Variants in KIAA1328 observed in about 807,000 individuals in gnomAD.
KIAA1328 encodes protein hinderin.
In KIAA1328, 52 loss-of-function variants were observed where a neutral mutation model predicts 68.1. The ratio of observed to expected loss-of-function variants is 0.76; its 90% confidence interval spans 0.61 to 0.96. The LOEUF is 0.96. Ranked by LOEUF, KIAA1328 falls within the 40% of genes least tolerant of loss-of-function variation. The pLI is 0.00. For missense variants in KIAA1328, 641 were observed against 677.6 expected, an observed-to-expected ratio of 0.95 and a Z score of 0.60; for synonymous variants, 232 against 239.4, an observed-to-expected ratio of 0.97 and a Z score of 0.28.
At chr18:37,109,081 A>G (rs1344892190) in intron 7 of KIAA1328, among the ~76,000 whole-genome samples, 3 of 152,210 alleles carry the variant, frequency 2.0e-5, no homozygotes, top group Non-Finnish European at 4.4e-5. Flanking sequence ...TTCCAGCTTC[A>G]TCCGTGTCCG....
At chr18:36,936,042 C>T (rs1022892839) in intron 5 of KIAA1328, among the ~76,000 whole-genome samples, 1 of 152,130 alleles carries the variant, frequency 6.6e-6, no homozygotes, top group Non-Finnish European at 1.5e-5. Context: ...AAAATGTTAA[C>T]TCTGCAGTTT....
intron 9 of KIAA1328, among the ~76,000 whole-genome samples, chr18:37,214,410 C>T (rs1392351103): frequency 2.0e-5 from 3 of 152,098 alleles, no homozygotes; most frequent in Non-Finnish European, 4.4e-5. Context: ...ATAGGGAATC[C>T]TTTCCCCATT....
chr18:36,846,485 G>T (rs1476319373), intron 4 of KIAA1328, among the ~76,000 whole-genome samples: 1 of 151,380 alleles, frequency 6.6e-6, no homozygotes, highest in African/African-American at 2.4e-5. Flanking sequence ...CAATTTGCAT[G>T]CAATAACATG....
chr18:36,959,429 A>C lies in KIAA1328; in HGVS notation c.570A>C (p.Glu190Asp), dbSNP rs746048716. ...LSELGAARMQ[E>D]QQVSSRKSTL... ...AACTTGGTGCTGCTAGAATGCAGGA[A>C]CAGCAGGTAAGCATCTTTAATTTTA... Residue 190 changes from glutamate to aspartate, a missense_variant, in exon 6 of 10, where the codon GAA (glutamate) becomes GAC (aspartate). Physicochemically the swap from Glu to Asp is conservative, Grantham distance 45. Coordinates refer to ENST00000280020, the MANE Select transcript of KIAA1328 (RefSeq NM_020776.3). The C allele has an allele frequency of 1.1e-5, 17 of 1,608,522 alleles. No individual in the cohort carries two copies. The highest frequency in any genetic ancestry group is 1.4e-5 in the Non-Finnish European group (16 of 1,178,192).
At chr18:36,950,155 C>CT (rs1311982102) in intron 5 of KIAA1328, among the ~76,000 whole-genome samples, 1 of 152,010 alleles carries the variant, frequency 6.6e-6, no homozygotes, top group African/African-American at 2.4e-5. Context: ...AATGTGTACT[C>CT]TTTTTTTCAA....
At chr18:37,145,494 T>C (rs1213238357) in intron 7 of KIAA1328, among the ~76,000 whole-genome samples, 4 of 152,202 alleles carry the variant, frequency 2.6e-5, no homozygotes, top group Non-Finnish European at 5.9e-5. Flanking sequence ...ACTTCTTCTT[T>C]AGCCTGCTGA....
At chr18:37,037,857 T>C (rs901099029) in intron 6 of KIAA1328, among the ~76,000 whole-genome samples, 4 of 152,156 alleles carry the variant, frequency 2.6e-5, no homozygotes, top group African/African-American at 9.7e-5. Context: ...ATCCCAGCAC[T>C]TTGGGAGGCC....
At chr18:37,074,301 G>A (rs2056635143) in intron 7 of KIAA1328, among the ~76,000 whole-genome samples, 2 of 152,120 alleles carry the variant, frequency 1.3e-5, no homozygotes, top group African/African-American at 4.8e-5. Context: ...CCACATTGTT[G>A]TTTTTCTGCC....
chr18:37,146,532 G>A (rs943423626), intron 7 of KIAA1328, among the ~76,000 whole-genome samples: 2 of 152,190 alleles, frequency 1.3e-5, no homozygotes, highest in African/African-American at 4.8e-5. Context: ...GCATAGTGCT[G>A]CAGTGAACAT....
At chr18:36,859,326 A>G (rs1167516682) in intron 4 of KIAA1328, among the ~76,000 whole-genome samples, 2 of 150,914 alleles carry the variant, frequency 1.3e-5, no homozygotes, top group African/African-American at 4.9e-5. Flanking sequence ...ATTTTATTAA[A>G]TTTATGTTTG....
intron 4 of KIAA1328, among the ~76,000 whole-genome samples, chr18:36,880,426 G>A (rs1412921343): frequency 1.3e-5 from 2 of 152,168 alleles, no homozygotes; most frequent in African/African-American, 4.8e-5. Context: ...TTCTGCGTTG[G>A]TCTCACTGGA....
At chr18:36,910,690 T>A (rs1309967689) in intron 5 of KIAA1328, among the ~76,000 whole-genome samples, 3 of 152,170 alleles carry the variant, frequency 2.0e-5, no homozygotes, top group African/African-American at 7.2e-5. Flanking sequence ...GGGGATGGCA[T>A]TAAATCTGTA....
chr18:37,092,292 C>A (rs2057289016), intron 7 of KIAA1328, among the ~76,000 whole-genome samples: 1 of 152,038 alleles, frequency 6.6e-6, no homozygotes, highest in African/African-American at 2.4e-5. Context: ...GCACTCACAC[C>A]CAGGGTCCTA....
chr18:36,847,181 T>G (rs2047057735), intron 4 of KIAA1328, among the ~76,000 whole-genome samples: 2 of 151,600 alleles, frequency 1.3e-5, no homozygotes, highest in African/African-American at 4.8e-5. Context: ...TTAATGGGCA[T>G]TTGGGTTCTT....
At chr18:36,965,950 G>T (rs1485365401) in intron 6 of KIAA1328, among the ~76,000 whole-genome samples, 1 of 151,282 alleles carries the variant, frequency 6.6e-6, no homozygotes, top group Middle Eastern at 3.2e-3. Flanking sequence ...GAAGGTGTGA[G>T]GCACATTATA....
Position 37,111,076 on chromosome 18 carries a change from G to C in KIAA1328, c.1232+43531G>C, listed in dbSNP as rs200735655. Among the ~76,000 whole-genome samples the C allele has an allele frequency of 2.0e-5, 3 of 152,102 alleles. No individual in the cohort carries two copies. The East Asian group carries it at 5.8e-4, about 29-fold the overall frequency. ...AAAGACTTTCTTTGTTACGTGGTAT[G>C]GTGGAGTATTGTATTAGTCTGAGTC... On this transcript the variant is annotated intron_variant, in intron 7 of 9. Coordinates refer to ENST00000280020, the MANE Select transcript of KIAA1328 (RefSeq NM_020776.3).
intron 4 of KIAA1328, among the ~76,000 whole-genome samples, chr18:36,868,685 T>C (rs547247623): frequency 6.6e-6 from 1 of 152,206 alleles, no homozygotes; most frequent in South Asian, 2.1e-4. Flanking sequence ...TAAGAAGCCT[T>C]AAAAAAACCA....
At chr18:37,049,447 T>C (rs1483035728) in intron 6 of KIAA1328, among the ~76,000 whole-genome samples, 1 of 152,222 alleles carries the variant, frequency 6.6e-6, no homozygotes, top group Non-Finnish European at 1.5e-5. Flanking sequence ...TCCCTTGTTT[T>C]TTTTACAGTA....
At chr18:37,089,760 G>A (rs1187981590) in intron 7 of KIAA1328, among the ~76,000 whole-genome samples, 2 of 152,048 alleles carry the variant, frequency 1.3e-5, no homozygotes, top group Non-Finnish European at 2.9e-5. Context: ...GAATTGCTCA[G>A]TATTATATAA....
Sources: gnomAD v4.1 joint callset for allele counts (sites outside exome capture counted in the v4.1 genomes callset) on GRCh38, gnomAD v4.1.1 for gene constraint, MANE v1.5 for transcripts, NCBI Gene and HGNC (gene_info 2026-07-23, HGNC 2026-07-21) for gene names.